MCM9: variants seen among roughly 807,000 people sequenced by gnomAD.
MCM9 encodes minichromosome maintenance 9 homologous recombination repair factor, also known as DNA helicase MCM9.
Under a neutral mutation model 72.8 loss-of-function variants are expected in MCM9, and 55 were observed. The ratio of observed to expected loss-of-function variants is 0.76; its 90% CI spans 0.61 to 0.95. MCM9 has a LOEUF of 0.95. Among genes scored for constraint, MCM9 ranks in the 40% least tolerant of loss-of-function variants. The probability of loss-of-function intolerance (pLI) is 0.00; values close to 1 mark genes in which losing one functional copy is unlikely to be tolerated. For missense variants in MCM9, 1,279 were observed against 1,377.0 expected, an observed-to-expected ratio of 0.93 and a Z score of 1.13; for synonymous variants, 480 against 503.4, an observed-to-expected ratio of 0.95 and a Z score of 0.62.
At chr6:118,840,446 G>A (rs1775271976) in intron 9 of MCM9, among the ~76,000 whole-genome samples, 1 of 152,108 alleles carries the variant, frequency 6.6e-6, no homozygotes, top group Non-Finnish European at 1.5e-5. Flanking sequence ...AATCTCTCCA[G>A]CAAGCTCCAG....
At position 118,842,704 on chromosome 6, in the gene MCM9, G is replaced by C. The variant is rs549020616; in HGVS notation, c.1326-13454C>G. On this transcript the variant is annotated intron_variant, in intron 9 of 13. Transcript: ENST00000619706. ...TTTGCTATTTTTAAAATTTTTTGAA[G>C]AAAAGGGGTCTCATTATGTTGCCCA... 6.6e-5 allele frequency among the ~76,000 whole-genome samples: 10 copies of C among 152,186 alleles called. No homozygotes were observed. The South Asian group carries it at 1.9e-3, about 28-fold the overall frequency.
rs1781475368 is a variant in MCM9, at chr6:118,922,041, T to C, written c.667A>G (p.Ile223Val). The change falls in exon 5 of 14, where the codon ATT becomes GTT. Residue 223 changes from isoleucine to valine, a missense_variant. Coordinates refer to ENST00000619706, the MANE Select transcript of MCM9 (RefSeq NM_017696.3). ...CTATCCACTAAGTCATCTTCCAGAA[T>C]AACCTTCATAGATCGTGGAATACTT... is the stretch of plus-strand genomic sequence containing the variant. ...VGSIPRSMKVILEDDLVDSCK... is the reference protein window; with the variant it reads ...VGSIPRSMKVVLEDDLVDSCK... The C allele has an allele frequency of 6.2e-7, 1 of 1,613,042 alleles. No homozygotes were observed. Among genetic ancestry groups the C allele is most frequent in the Non-Finnish European group, 8.5e-7 (1 of 1,179,564 alleles).
intron 8 of MCM9, among the ~76,000 whole-genome samples, chr6:118,877,254 GA>G (rs1301948339): frequency 2.0e-5 from 3 of 152,146 alleles, no homozygotes; most frequent in Non-Finnish European, 4.4e-5. Flanking sequence ...ACATGGAACA[GA>G]AAAAACCTGC....
intron 8 of MCM9, chr6:118,893,957 C>CCT (rs960168868): frequency 5.2e-6 from 5 of 955,162 alleles, no homozygotes; most frequent in South Asian, 4.7e-5. Context: ...CGCGGCCACG[C>CCT]CCCCTCCGCC....
rs756024723 is a variant in MCM9, at chr6:118,924,091, A to G, written c.341T>C (p.Ile114Thr). The G allele has an allele frequency of 6.2e-7, 1 of 1,614,166 alleles. No individual in the cohort carries two copies. The highest frequency in any genetic ancestry group is 1.7e-5 in the Admixed American group (1 of 60,030). Residue 114 changes from isoleucine (I) to threonine (T), a missense_variant, in exon 4 of 14, where the codon ATA (isoleucine) becomes ACA (threonine). By Grantham distance (89) the Ile-to-Thr change is moderately conservative. Transcript: ENST00000619706. ...PVCPELVREH[I>T]PKTKDVGHFL... Reference sequence around the variant, plus strand: ...GTGTCCCACATCCTTGGTTTTAGGTATGTGTTCCCTCACCAGCTCAGGACA... The same window carrying G: ...GTGTCCCACATCCTTGGTTTTAGGTGTGTGTTCCCTCACCAGCTCAGGACA...
intron 8 of MCM9, among the ~76,000 whole-genome samples, chr6:118,888,631 T>C (rs191090785): frequency 6.6e-6 from 1 of 152,294 alleles, no homozygotes. Context: ...TGTACACATA[T>C]GTTAATAGCA....
rs188327237 is a variant in MCM9, at chr6:118,890,656, T to C, written c.1150+20994A>G. On this transcript the variant is annotated intron_variant, in intron 8 of 13. Coordinates refer to ENST00000619706, the MANE Select transcript of MCM9 (RefSeq NM_017696.3). ...TCTGTATGTATGTAATGAATTATTA[T>C]TGAAATCATTATTGTACAATTTACT... 3.0e-3 allele frequency among the ~76,000 whole-genome samples: 463 copies of C among 152,346 alleles called. 3 individuals are homozygous for C. The highest frequency in any genetic ancestry group is 6.8e-3 in the Middle Eastern group (2 of 294).
intron 11 of MCM9, 30 bp downstream of exon 11, chr6:118,827,897 T>C: frequency 1.3e-6 from 2 of 1,547,230 alleles, no homozygotes; most frequent in Non-Finnish European, 1.7e-6. Flanking sequence ...CAGCATTCAA[T>C]ACAAGCATCA....
chr6:118,856,378 T>C lies in MCM9; in HGVS notation c.1318A>G (p.Lys440Glu). The change falls in exon 9 of 14, where the codon AAG (lysine) becomes GAG (glutamate). Residue 440 changes from lysine (K) to glutamate (E), a missense_variant. Transcript: ENST00000619706. ...AMEQQTISVA[K>E]AGLVCKLNTR... ...TTTTAAAGAAACTCTTACCCAGCCT[T>C]AGCAACACTTATGGTTTGTTGCTCC... 7 of 1,533,924 alleles carry C rather than the reference T, an allele frequency of 4.6e-6. No individual in the cohort carries two copies. Among genetic ancestry groups the C allele is most frequent in the Non-Finnish European group, 5.2e-6 (6 of 1,146,392 alleles).
chr6:118,894,944 A>G (rs1385342616), intron 8 of MCM9, among the ~76,000 whole-genome samples: 1 of 152,022 alleles, frequency 6.6e-6, no homozygotes, highest in Non-Finnish European at 1.5e-5. Context: ...GCGAGTTCGG[A>G]GCGGAGCCAT....
chr6:118,826,017 C>T, intron 13 of MCM9, 130 bp downstream of exon 13: 2 of 931,432 alleles, frequency 2.1e-6, no homozygotes, highest in East Asian at 2.6e-5. Context: ...ATAGTATCTG[C>T]CTGTCCTAAG....
intron 9 of MCM9, among the ~76,000 whole-genome samples, chr6:118,855,472 T>C (rs1776493579): frequency 1.3e-5 from 2 of 152,158 alleles, no homozygotes; most frequent in South Asian, 4.1e-4. Flanking sequence ...ATAGGTCTAA[T>C]AGTTCTTTCT....
At chr6:118,817,059 T>A (rs149077380) in intron 13 of MCM9, among the ~76,000 whole-genome samples, 2 of 152,228 alleles carry the variant, frequency 1.3e-5, no homozygotes, top group East Asian at 3.8e-4. Context: ...TCATTTTAAA[T>A]GATTTTAAAT....
At chr6:118,872,053 C>G (rs1164253305) in intron 8 of MCM9, among the ~76,000 whole-genome samples, 1 of 152,058 alleles carries the variant, frequency 6.6e-6, no homozygotes, top group East Asian at 1.9e-4. Flanking sequence ...CGCGGTGGCT[C>G]AAGCCTGTAA....
rs1773777081 is a variant in MCM9, at chr6:118,821,150, A to AT, written c.1962-4857_1962-4856insA. Reference sequence around the variant, plus strand: ...TTAAGGTTAATATTGTTATGTATGAAGTTGATCCTGTTATCATGATGCTAT... The same window carrying AT: ...TTAAGGTTAATATTGTTATGTATGAATGTTGATCCTGTTATCATGATGCTAT... On this transcript the variant is annotated intron_variant, in intron 13 of 13. Transcript: ENST00000619706. 2.6e-5 allele frequency among the ~76,000 whole-genome samples: 4 copies of AT among 152,112 alleles called. No individual in the cohort carries two copies. In the South Asian group the frequency reaches 8.3e-4, roughly 32 times the overall value.
At chr6:118,897,505 G>C (rs1289036645) in intron 8 of MCM9, among the ~76,000 whole-genome samples, 1 of 151,928 alleles carries the variant, frequency 6.6e-6, no homozygotes. Context: ...TACCAGAATT[G>C]AGCATGGTGC....
chr6:118,899,119 G>A (rs925610955), intron 8 of MCM9, among the ~76,000 whole-genome samples: 2 of 152,128 alleles, frequency 1.3e-5, no homozygotes, highest in Non-Finnish European at 2.9e-5. Context: ...GCCACACGAG[G>A]TCCATGCCAC....
intron 8 of MCM9, among the ~76,000 whole-genome samples, chr6:118,886,215 C>T (rs1200810689): frequency 6.6e-6 from 1 of 152,034 alleles, no homozygotes; most frequent in African/African-American, 2.4e-5. Flanking sequence ...AACCTCACAG[C>T]TAGTATCATT....
chr6:118,828,945 C>A (rs1318189416), intron 10 of MCM9, 103 bp downstream of exon 10: 2 of 1,186,202 alleles, frequency 1.7e-6, no homozygotes, highest in Non-Finnish European at 1.2e-6. Context: ...CCTGGTACTA[C>A]ATAGCCTATC....
Sources: allele counts gnomAD v4.1 joint callset (sites outside exome capture counted in the v4.1 genomes callset), GRCh38; gene constraint gnomAD v4.1.1; transcripts MANE v1.5; gene names NCBI Gene and HGNC (gene_info 2026-07-23, HGNC 2026-07-21).